The following ZNF385D variants were observed in gnomAD, a reference collection of about 807,000 sequenced individuals.
ZNF385D encodes zinc finger protein 659.
ZNF385D carries 15 observed loss-of-function variants against 35.8 expected under a neutral mutation model. The ratio of observed to expected loss-of-function variants is 0.42; its 90% CI spans 0.28 to 0.64. The LOEUF (loss-of-function observed/expected upper bound fraction) is 0.64. Ranked by LOEUF, ZNF385D falls within the 30% of genes least tolerant of loss-of-function variation. The pLI is 0.23. For missense variants in ZNF385D, 474 were observed against 494.6 expected (o/e 0.96, Z 0.39); for synonymous variants, 212 against 186.8 (o/e 1.13, Z -1.10).
intron 2 of ZNF385D, among the ~76,000 whole-genome samples, chr3:21,658,113 T>C (rs2125239571): frequency 6.6e-6 from 1 of 152,154 alleles, no homozygotes; most frequent in African/African-American, 2.4e-5. Flanking sequence ...TCTAGAATAA[T>C]CTCTATATGT....
At chr3:22,097,480 G>A in intron 3 of ZNF385D, among the ~76,000 whole-genome samples, 1 of 151,978 alleles carries the variant, frequency 6.6e-6, no homozygotes, top group Non-Finnish European at 1.5e-5. Flanking sequence ...GAAATTGAGA[G>A]AAAAGTTATC....
At chr3:22,302,087 T>C (rs1231324221) in intron 2 of ZNF385D, among the ~76,000 whole-genome samples, 1 of 152,034 alleles carries the variant, frequency 6.6e-6, no homozygotes, top group Non-Finnish European at 1.5e-5. Flanking sequence ...TGTGCTTGTC[T>C]CCTTATGCAC....
intron 1 of ZNF385D, among the ~76,000 whole-genome samples, chr3:21,694,407 A>G (rs888312553): frequency 7.2e-5 from 11 of 152,124 alleles, no homozygotes; most frequent in Non-Finnish European, 1.5e-4. Flanking sequence ...TCTGGTACAC[A>G]CTCAAAAAGC....
intron 3 of ZNF385D, among the ~76,000 whole-genome samples, chr3:21,963,416 G>A (rs1702707622): frequency 1.3e-5 from 2 of 152,170 alleles, no homozygotes; most frequent in African/African-American, 4.8e-5. Context: ...TAAGGATAGG[G>A]AGGGGAAAGA....
chr3:22,165,113 G>T (rs760346530), intron 3 of ZNF385D, among the ~76,000 whole-genome samples: 1 of 152,170 alleles, frequency 6.6e-6, no homozygotes, highest in Non-Finnish European at 1.5e-5. Context: ...TAAACCCACA[G>T]AATGTACAAC....
chr3:22,184,537 C>A (rs1233291541), intron 2 of ZNF385D, among the ~76,000 whole-genome samples: 1 of 151,962 alleles, frequency 6.6e-6, no homozygotes, highest in East Asian at 1.9e-4. Context: ...CAAGGATAGA[C>A]AAACGGGGCC....
chr3:22,022,512 T>G (rs996503191), intron 3 of ZNF385D, among the ~76,000 whole-genome samples: 1 of 152,088 alleles, frequency 6.6e-6, no homozygotes, highest in Non-Finnish European at 1.5e-5. Context: ...TTCAACTGTT[T>G]GTACTTATAG....
intron 3 of ZNF385D, among the ~76,000 whole-genome samples, chr3:22,069,066 T>A (rs1464455748): frequency 6.6e-6 from 1 of 152,230 alleles, no homozygotes; most frequent in Non-Finnish European, 1.5e-5. Context: ...TTATATGTGT[T>A]CAACTAGTAA....
chr3:21,740,627 C>G (rs181802693), intron 1 of ZNF385D, among the ~76,000 whole-genome samples: 1 of 152,134 alleles, frequency 6.6e-6, no homozygotes. Context: ...CAGGCCCACA[C>G]GTCATGCCAT....
intron 3 of ZNF385D, among the ~76,000 whole-genome samples, chr3:22,066,219 A>G (rs997446213): frequency 8.5e-5 from 13 of 152,130 alleles, no homozygotes; most frequent in Admixed American, 5.9e-4. Context: ...CAGAAAAGAA[A>G]AGAGAGACTG....
chr3:22,107,307 G>A (rs887571990), intron 3 of ZNF385D, among the ~76,000 whole-genome samples: 4 of 152,022 alleles, frequency 2.6e-5, no homozygotes, highest in African/African-American at 9.7e-5. Flanking sequence ...ACAGGCACGA[G>A]CCACCGCACC....
At chr3:21,957,061 G>C (rs1206149049) in intron 3 of ZNF385D, 4 of 155,064 alleles carry the variant, frequency 2.6e-5, no homozygotes, top group Non-Finnish European at 4.3e-5. Flanking sequence ...TAGTGAGTAA[G>C]TCTCACGAGA....
intron 2 of ZNF385D, among the ~76,000 whole-genome samples, chr3:22,223,991 G>A (rs1698409718): frequency 6.6e-6 from 1 of 152,036 alleles, no homozygotes; most frequent in Admixed American, 6.6e-5. Flanking sequence ...CTGGTTCATA[G>A]AATAACTCCA....
chr3:22,252,815 A>G lies in ZNF385D; in HGVS notation c.107-83780T>C, dbSNP rs957450915. 2.6e-5 allele frequency among the ~76,000 whole-genome samples: 4 copies of G among 152,102 alleles called. No individual in the cohort carries two copies. In the South Asian group the frequency reaches 8.3e-4, roughly 31 times the overall value. ...TAAGTTTAACAAGTCCACTGTGGTG[A>G]AGCATAGGTATATTGCTGAGTTGAG... is the stretch of plus-strand genomic sequence containing the variant. On this transcript the variant is annotated intron_variant, in intron 2 of 5. Transcript: ENST00000494108.
chr3:21,979,404 T>A (rs774505591), intron 3 of ZNF385D, among the ~76,000 whole-genome samples: 1 of 152,208 alleles, frequency 6.6e-6, no homozygotes, highest in South Asian at 2.1e-4. Context: ...AGGTGTGAGA[T>A]TGAGCTTTTT....
At chr3:22,238,959 T>C (rs1699341410) in intron 2 of ZNF385D, among the ~76,000 whole-genome samples, 1 of 150,044 alleles carries the variant, frequency 6.7e-6, no homozygotes, top group Non-Finnish European at 1.5e-5. Flanking sequence ...ACTCGTAGGC[T>C]CAAGTCACTC....
rs1218508152 is a variant in ZNF385D at position 21,495,825 on chromosome 3, A to G, written c.439+15036T>C. On this transcript the variant is annotated intron_variant, in intron 4 of 7. Coordinates refer to ENST00000281523, the MANE Select transcript of ZNF385D (RefSeq NM_024697.3). ...AGCTAGACTAAGAAAGAAAAAAGAGAGAAGTTTGAAATAAACATGATCAGA... is the reference window on the plus strand; with the variant it reads ...AGCTAGACTAAGAAAGAAAAAAGAGGGAAGTTTGAAATAAACATGATCAGA... 4.0e-5 allele frequency among the ~76,000 whole-genome samples: 6 copies of G among 150,108 alleles called. No homozygotes were observed. The South Asian group carries it at 8.3e-4, about 21-fold the overall frequency.
At chr3:21,482,415 G>T (rs190947857) in intron 4 of ZNF385D, among the ~76,000 whole-genome samples, 46 of 152,280 alleles carry the variant, frequency 3.0e-4, no homozygotes, top group African/African-American at 1.1e-3. Context: ...TGTATGGTCT[G>T]CAAAGACCAA....
intron 3 of ZNF385D, among the ~76,000 whole-genome samples, chr3:22,075,869 T>A (rs1317411534): frequency 1.3e-5 from 2 of 151,962 alleles, no homozygotes; most frequent in Non-Finnish European, 2.9e-5. Flanking sequence ...TCTTCTTGTC[T>A]TCCCAAACTT....
Sources: gnomAD v4.1 joint callset for allele counts (sites outside exome capture counted in the v4.1 genomes callset) on GRCh38, gnomAD v4.1.1 for gene constraint, MANE v1.5 for transcripts, NCBI Gene and HGNC (gene_info 2026-07-23, HGNC 2026-07-21) for gene names.